Variants in SLC17A3 observed in about 807,000 individuals in gnomAD.
SLC17A3 encodes the protein sodium-dependent phosphate transport protein 4.
SLC17A3 carries 61 observed loss-of-function variants against 60.3 expected under a neutral mutation model. That is an observed-to-expected ratio of 1.01 (90% CI 0.82 to 1.25). The LOEUF is 1.25. Ranked by LOEUF, SLC17A3 falls within the 50% of genes most tolerant of loss-of-function variation. SLC17A3 has a pLI of 0.00. For missense variants in SLC17A3, 624 were observed against 594.9 expected, an observed-to-expected ratio of 1.05 and a Z score of -0.51; for synonymous variants, 192 against 208.9, an observed-to-expected ratio of 0.92 and a Z score of 0.70.
At chr6:25,854,537 G>A (rs1304059284) in intron 6 of SLC17A3, among the ~76,000 whole-genome samples, 1 of 152,176 alleles carries the variant, frequency 6.6e-6, no homozygotes, top group Admixed American at 6.5e-5. Flanking sequence ...CTGTCCAGAA[G>A]GGGAGTTAAA....
At chr6:25,863,175 A>G (rs985240832) in intron 2 of SLC17A3, among the ~76,000 whole-genome samples, 3 of 152,120 alleles carry the variant, frequency 2.0e-5, no homozygotes, top group Admixed American at 6.6e-5. Flanking sequence ...AATTGTCCAA[A>G]AAATGTAGTA....
At chr6:25,846,193 T>C (rs1386812444) in intron 11 of SLC17A3, among the ~76,000 whole-genome samples, 1 of 152,196 alleles carries the variant, frequency 6.6e-6, no homozygotes, top group Admixed American at 6.5e-5. Context: ...TATCACTATT[T>C]GAAATAGATA....
intron 1 of SLC17A3, among the ~76,000 whole-genome samples, chr6:25,873,788 A>T (rs1765682990): frequency 6.6e-6 from 1 of 152,126 alleles, no homozygotes; most frequent in Non-Finnish European, 1.5e-5. Flanking sequence ...TCCCAGATGG[A>T]GATATTACTG....
intron 5 of SLC17A3, among the ~76,000 whole-genome samples, chr6:25,856,780 G>A (rs1765363274): frequency 6.6e-6 from 1 of 151,428 alleles, no homozygotes. Flanking sequence ...CCAGGAGGCG[G>A]AGGTTGCAGT....
intron 1 of SLC17A3, among the ~76,000 whole-genome samples, chr6:25,873,615 C>G (rs1172685932): frequency 6.6e-6 from 1 of 152,090 alleles, no homozygotes; most frequent in Non-Finnish European, 1.5e-5. Context: ...CTCTTCTATC[C>G]CTAGCCATTT....
chr6:25,871,492 G>A (rs1373201748), intron 1 of SLC17A3, among the ~76,000 whole-genome samples: 1 of 150,910 alleles, frequency 6.6e-6, no homozygotes, highest in Non-Finnish European at 1.5e-5. Flanking sequence ...CCTGTTGTGG[G>A]GTGGGGGCGG....
At chr6:25,855,098 ATCTT>A (rs1225951028) in intron 6 of SLC17A3, 42 bp downstream of exon 6, 1 of 1,196,948 alleles carries the variant, frequency 8.4e-7, no homozygotes, top group East Asian at 2.3e-5. Flanking sequence ...ACTGAGGAGA[ATCTT>A]TCTGCATATG....
intron 5 of SLC17A3, among the ~76,000 whole-genome samples, chr6:25,859,390 A>C (rs1179647579): frequency 6.6e-6 from 1 of 152,186 alleles, no homozygotes; most frequent in Non-Finnish European, 1.5e-5. Flanking sequence ...CTGAATCTTG[A>C]AATCAGCTAT....
chr6:25,867,055 A>T (rs1765547810), intron 2 of SLC17A3, among the ~76,000 whole-genome samples: 1 of 152,008 alleles, frequency 6.6e-6, no homozygotes, highest in Non-Finnish European at 1.5e-5. Context: ...TACCACCTCA[A>T]AACTTCTACC....
intron 11 of SLC17A3, among the ~76,000 whole-genome samples, chr6:25,846,674 G>A (rs1273573339): frequency 2.0e-5 from 3 of 152,010 alleles, no homozygotes; most frequent in South Asian, 2.1e-4. Flanking sequence ...ACAGTGGCAC[G>A]ATCTCGGCTC....
chr6:25,865,548 G>A (rs1411978067), intron 2 of SLC17A3, among the ~76,000 whole-genome samples: 1 of 151,950 alleles, frequency 6.6e-6, no homozygotes, highest in Non-Finnish European at 1.5e-5. Context: ...ACCAAAAAGG[G>A]TATCAGCAAA....
At chr6:25,857,587 A>G (rs1277956764) in intron 5 of SLC17A3, among the ~76,000 whole-genome samples, 1 of 151,860 alleles carries the variant, frequency 6.6e-6, no homozygotes, top group Non-Finnish European at 1.5e-5. Context: ...AAAGTCACTT[A>G]TTTACTTGTG....
intron 10 of SLC17A3, 39 bp downstream of exon 10, chr6:25,849,766 A>T: frequency 6.2e-7 from 1 of 1,605,742 alleles, no homozygotes; most frequent in Non-Finnish European, 8.5e-7. Context: ...AAATCTTTTA[A>T]AGAAAATGTG....
chr6:25,850,036 C>T lies in SLC17A3; in HGVS notation c.1123+12G>A. 6.2e-7 allele frequency: 1 copy of T among 1,613,950 alleles called. No individual in the cohort carries two copies. Among genetic ancestry groups the T allele is most frequent in the Non-Finnish European group, 8.5e-7 (1 of 1,179,818 alleles). On this transcript the variant is annotated intron_variant, in intron 9 of 12. Transcript: ENST00000397060. ...CTACGCAAATTATCTGACCCTCAAG[C>T]TCTGTTCTTACCTAAAATTGTGGCA...
rs1251154284 is a variant in SLC17A3, at chr6:25,849,391, C to T, written c.1345G>A (p.Gly449Arg). 6.8e-6 allele frequency: 11 copies of T among 1,608,286 alleles called. No individual in the cohort carries two copies. The highest frequency in any genetic ancestry group is 6.7e-5 in the African/African-American group (5 of 74,634). The change falls in exon 11 of 13, where the codon GGA (glycine) becomes AGA (arginine). Residue 449 changes from glycine (G) to arginine (R), a missense_variant. By Grantham distance (125) the Gly-to-Arg change is moderately radical. Transcript: ENST00000397060. The part of the protein sequence containing the change: ...IAPVIVPTVS[G>R]FLLSQDPEFG... ...AATTGTACCTGACTAAGAAGAAATCCACTGACAGTGGGTACAATGACAGGT... is the reference window on the plus strand; with the variant it reads ...AATTGTACCTGACTAAGAAGAAATCTACTGACAGTGGGTACAATGACAGGT...
At chr6:25,856,193 C>T (rs73385003) in intron 5 of SLC17A3, among the ~76,000 whole-genome samples, 3,712 of 152,110 alleles carry the variant, frequency 0.024, 129 homozygotes, top group African/African-American at 0.08. Context: ...ATCTCTTTGA[C>T]AGCATTTAAT....
At chr6:25,874,134 G>T (rs1326409104) in intron 1 of SLC17A3, 33 bp downstream of exon 1, 1 of 152,076 alleles carries the variant, frequency 6.6e-6, no homozygotes, top group Non-Finnish European at 1.5e-5. Flanking sequence ...AGTTTTGGAG[G>T]TCTTCATCTC....
In SLC17A3 at chr6:25,861,936, G is replaced by A. The variant is rs1312940457; in HGVS notation, c.397C>T (p.Leu133=). The A allele has an allele frequency of 1.2e-6, 2 of 1,612,598 alleles. No homozygotes were observed. The highest frequency in any genetic ancestry group is 1.7e-5 in the Admixed American group (1 of 59,770). ...GILTMAPSGY[L]AGRVGTKRVV... is the part of the protein sequence containing the mutation. ...CGCTTTGTTCCTACTCTTCCAGCCA[G>A]GTATCCACTGGGAGCCATTGTCAGT... The change falls in exon 4 of 13, where the codon CTG becomes TTG. Residue 133 remains leucine (L), a synonymous_variant. Transcript: ENST00000397060.
Position 25,855,199 on chromosome 6 carries a change from G to A in SLC17A3, c.657C>T (p.Leu219=), listed in dbSNP as rs921146622. 3.1e-6 allele frequency: 5 copies of A among 1,613,622 alleles called. No homozygotes were observed. Among genetic ancestry groups the A allele is most frequent in the Non-Finnish European group, 4.2e-6 (5 of 1,179,690 alleles). The change falls in exon 6 of 13, where the codon CTC becomes CTT. Residue 219 remains leucine (L), a synonymous_variant. Transcript: ENST00000397060. ...GMLLGCFTAI[L]IGGFISETLG... ...GGGTTTCACTAATGAAGCCACCTAT[G>A]AGGATGGCAGTAAAGCATCCCAGTA... is the stretch of plus-strand genomic sequence containing the variant.
Sources: allele counts gnomAD v4.1 joint callset (sites outside exome capture counted in the v4.1 genomes callset), GRCh38; gene constraint gnomAD v4.1.1; transcripts MANE v1.5; gene names NCBI Gene and HGNC (gene_info 2026-07-23, HGNC 2026-07-21).